The following SLC22A2 variants were observed in gnomAD, a reference collection of about 807,000 sequenced individuals.
SLC22A2 encodes the protein solute carrier family 22 member 2, also known as organic cation transporter 2.
SLC22A2 carries 46 observed loss-of-function variants against 60.5 expected under a neutral mutation model. The ratio of observed to expected loss-of-function variants is 0.76; its 90% CI spans 0.60 to 0.97. SLC22A2 has a LOEUF of 0.97. SLC22A2 is among the 50% of genes least tolerant of loss of function. The probability of loss-of-function intolerance (pLI) is 0.00; values close to 1 mark genes in which losing one functional copy is unlikely to be tolerated. For missense variants in SLC22A2, 701 were observed against 706.6 expected (o/e 0.99, Z 0.09); for synonymous variants, 303 against 267.0 (o/e 1.13, Z -1.31).
intron 1 of SLC22A2, chr6:160,257,958 G>A (rs80316057): frequency 2.1e-5 from 4 of 192,366 alleles, no homozygotes; most frequent in African/African-American, 4.7e-5. Flanking sequence ...TGAGTTCCAC[G>A]GGCTTTCAGG....
intron 9 of SLC22A2, among the ~76,000 whole-genome samples, chr6:160,240,799 G>A (rs1782985591): frequency 6.6e-6 from 1 of 152,082 alleles, no homozygotes; most frequent in Non-Finnish European, 1.5e-5. Flanking sequence ...GCTCAGAATG[G>A]GTGTCAAAGG....
chr6:160,235,847 T>C (rs1198082124), intron 9 of SLC22A2, among the ~76,000 whole-genome samples: 1 of 152,160 alleles, frequency 6.6e-6, no homozygotes, highest in Non-Finnish European at 1.5e-5. Flanking sequence ...ACTTATGTAG[T>C]ATAAAAGTCA....
At chr6:160,222,930 A>G (rs1236297840) in intron 10 of SLC22A2, among the ~76,000 whole-genome samples, 1 of 152,236 alleles carries the variant, frequency 6.6e-6, no homozygotes, top group Non-Finnish European at 1.5e-5. Context: ...GGCCAAAGAA[A>G]GCACTGGAGA....
At chr6:160,258,120 G>T in intron 1 of SLC22A2, 2 of 563,872 alleles carry the variant, frequency 3.5e-6, no homozygotes, top group Non-Finnish European at 3.1e-6. Flanking sequence ...GCACAAACTA[G>T]AATCATTATT....
At chr6:160,237,391 G>C (rs1424623433) in intron 9 of SLC22A2, among the ~76,000 whole-genome samples, 1 of 152,060 alleles carries the variant, frequency 6.6e-6, no homozygotes, top group Admixed American at 6.6e-5. Flanking sequence ...ATACACAAAG[G>C]GTTGTGCAGG....
chr6:160,246,399 C>A (rs1453042182), intron 5 of SLC22A2, among the ~76,000 whole-genome samples: 2 of 152,180 alleles, frequency 1.3e-5, no homozygotes, highest in Non-Finnish European at 2.9e-5. Context: ...ACAATAAACA[C>A]AGGTAACGAA....
rs777408756 is a variant in SLC22A2 at position 160,217,450 on chromosome 6, T to C, written c.1650A>G (p.Leu550=). The C allele has an allele frequency of 8.7e-6, 14 of 1,604,352 alleles. No individual in the cohort carries two copies. The highest frequency in any genetic ancestry group is 1.2e-5 in the Non-Finnish European group (14 of 1,171,684). The change falls in exon 11 of 11, where the codon CTA becomes CTG. Residue 550 remains leucine (L), a synonymous_variant. Coordinates refer to ENST00000366953, the MANE Select transcript of SLC22A2 (RefSeq NM_003058.4). The part of the protein sequence containing the change: ...EKMIYLQVQK[L]DIPLN ...TCTCTTCTTAGTTCAATGGAATGTCTAGTTTCTGAACTTGGAGGTAAATCA... is the reference window on the plus strand; with the variant it reads ...TCTCTTCTTAGTTCAATGGAATGTCCAGTTTCTGAACTTGGAGGTAAATCA...
At chr6:160,257,178 A>C (rs1310149965) in intron 1 of SLC22A2, among the ~76,000 whole-genome samples, 3 of 152,188 alleles carry the variant, frequency 2.0e-5, no homozygotes, top group Non-Finnish European at 4.4e-5. Context: ...CTTATAGACA[A>C]ATTTATTTTT....
intron 10 of SLC22A2, chr6:160,218,180 G>A (rs71551158): frequency 0.097 from 23,667 of 242,844 alleles, 1,274 homozygotes; most frequent in South Asian, 0.13. Flanking sequence ...AATCTGAGAC[G>A]AGGGATGGCA....
At chr6:160,219,107 G>A (rs62650395) in intron 10 of SLC22A2, among the ~76,000 whole-genome samples, 2 of 124 alleles carry the variant, frequency 0.016, no homozygotes, top group Non-Finnish European at 0.033. Flanking sequence ...AGCAACAGAA[G>A]CAATAACAGC....
rs9364551 is a variant in SLC22A2 at position 160,251,409 on chromosome 6, C to T, written c.519-707G>A. The stretch of plus-strand genomic sequence containing the variant: ...TATGATGTTGGGCAACCTATTCAAC[C>T]ATATTCAGTGTCTTCATCTGGAAAA... On this transcript the variant is annotated intron_variant, in intron 2 of 10. Transcript: ENST00000366953. Among the ~76,000 whole-genome samples, 571 of 152,294 alleles carry T rather than the reference C, an allele frequency of 3.7e-3. 25 individuals are homozygous for T. The East Asian group carries it at 0.092, about 25-fold the overall frequency.
At chr6:160,225,229 A>G (rs1253306244) in intron 9 of SLC22A2, among the ~76,000 whole-genome samples, 1 of 152,246 alleles carries the variant, frequency 6.6e-6, no homozygotes, top group Non-Finnish European at 1.5e-5. Flanking sequence ...ATCTATTACT[A>G]TGTAAGAGCA....
intron 9 of SLC22A2, among the ~76,000 whole-genome samples, chr6:160,225,500 C>G (rs1782708885): frequency 6.6e-6 from 1 of 152,004 alleles, no homozygotes; most frequent in African/African-American, 2.4e-5. Context: ...ATTTTTACAC[C>G]CTCAGAAAAT....
At chr6:160,221,123 G>C (rs1293081722) in intron 10 of SLC22A2, among the ~76,000 whole-genome samples, 1 of 152,176 alleles carries the variant, frequency 6.6e-6, no homozygotes, top group African/African-American at 2.4e-5. Flanking sequence ...TTGAAAATCT[G>C]TTGTTTAGTG....
chr6:160,223,830 C>A (rs1782680247), intron 10 of SLC22A2, among the ~76,000 whole-genome samples: 1 of 152,178 alleles, frequency 6.6e-6, no homozygotes, highest in Non-Finnish European at 1.5e-5. Flanking sequence ...CAGTTTCAAG[C>A]AATTCTCCTG....
chr6:160,249,140 G>A, intron 4 of SLC22A2, 76 bp downstream of exon 4: 4 of 956,742 alleles, frequency 4.2e-6, no homozygotes, highest in Non-Finnish European at 6.3e-6. Context: ...GAAAGATAGT[G>A]TGCATTAAGG....
At chr6:160,227,156 G>A (rs1283496169) in intron 9 of SLC22A2, among the ~76,000 whole-genome samples, 1 of 152,046 alleles carries the variant, frequency 6.6e-6, no homozygotes, top group Non-Finnish European at 1.5e-5. Flanking sequence ...TCCCTTTCCA[G>A]ACCCTCCCAA....
intron 5 of SLC22A2, 125 bp from the exon 6 acceptor site, chr6:160,245,670 A>T: frequency 2.3e-6 from 1 of 440,260 alleles, no homozygotes; most frequent in Non-Finnish European, 4.0e-6. Flanking sequence ...TAGAGCAAGC[A>T]CTTTCCATAC....
Position 160,225,479 on chromosome 6 carries a change from T to C in SLC22A2, c.1502-675A>G, listed in dbSNP as rs76544796. Among the ~76,000 whole-genome samples the C allele has an allele frequency of 7.6e-3, 1,153 of 152,264 alleles. 15 individuals carry two copies. Among genetic ancestry groups the C allele is most frequent in the African/African-American group, 0.026 (1,072 of 41,558 alleles). ...AGTTTTGAGGTCTCAAAACACTGCA[T>C]GCCAGTCTCTATTTTTACACCCTCA... On this transcript the variant is annotated intron_variant, in intron 9 of 10. Transcript: ENST00000366953.
Sources: gnomAD v4.1 joint callset for allele counts (sites outside exome capture counted in the v4.1 genomes callset) on GRCh38, gnomAD v4.1.1 for gene constraint, MANE v1.5 for transcripts, NCBI Gene and HGNC (gene_info 2026-07-23, HGNC 2026-07-21) for gene names.